The following ATP8A1 variants were observed in gnomAD, a reference collection of about 807,000 sequenced individuals.
ATP8A1 encodes the protein phospholipid-transporting ATPase IA.
In ATP8A1, 90 loss-of-function variants were observed where a neutral mutation model predicts 177.7. That is an observed-to-expected ratio of 0.51 (90% CI 0.43 to 0.60). ATP8A1 has a LOEUF of 0.60. Among genes scored for constraint, ATP8A1 ranks in the 20% least tolerant of loss-of-function variants. The probability of loss-of-function intolerance (pLI) is 0.00; values close to 1 mark genes in which losing one functional copy is unlikely to be tolerated. For missense variants in ATP8A1, 1,072 were observed against 1,392.8 expected (o/e 0.77, Z 3.67); for synonymous variants, 493 against 485.9 (o/e 1.01, Z -0.19).
At chr4:42,594,994 A>T (rs766703476) in intron 6 of ATP8A1, among the ~76,000 whole-genome samples, 22 of 152,136 alleles carry the variant, frequency 1.4e-4, no homozygotes, top group Non-Finnish European at 2.9e-4. Context: ...AGATAAAGAG[A>T]TACTATTTTC....
intron 20 of ATP8A1, among the ~76,000 whole-genome samples, chr4:42,539,312 A>G (rs1023181893): frequency 1.3e-5 from 2 of 152,034 alleles, no homozygotes; most frequent in African/African-American, 2.4e-5. Context: ...GGTATCGCGT[A>G]CACTGCTTGG....
Position 42,443,613 on chromosome 4 carries a change from G to C in ATP8A1, c.3075C>G (p.Tyr1025Ter). 1 of 1,556,976 alleles carries C rather than the reference G, an allele frequency of 6.4e-7. No homozygotes were observed. The highest frequency in any genetic ancestry group is 8.9e-7 in the Non-Finnish European group (1 of 1,127,944). ...TCGGAATGGCAGGCCACAGAGATGA[G>C]TAGATTCCAAAAAACACCACCCAGA... ...IALWVVFFGI[Y>*]SSLWPAIPMA... Residue 1025 changes from tyrosine (Y) to a stop codon, truncating the protein, a stop_gained, in exon 33 of 37, where the codon TAC becomes TAG. Transcript: ENST00000381668. LOFTEE classifies it high-confidence loss of function.
At position 42,409,335 on chromosome 4, in the gene ATP8A1, G is replaced by C. The variant is rs1712326733; in HGVS notation, c.*3581C>G. The C allele has an allele frequency of 6.6e-6, 1 of 152,060 alleles. No homozygotes were observed. Among genetic ancestry groups the C allele is most frequent in the Non-Finnish European group, 1.5e-5 (1 of 67,976 alleles). 9.4% of individuals were successfully genotyped at this position (152,060 alleles called of 1,614,324 possible). On this transcript the variant is annotated 3_prime_UTR_variant, in exon 37 of 37. Transcript: ENST00000381668. The stretch of plus-strand genomic sequence containing the variant: ...CATTCCACTTTAATAGCTGTTGAAG[G>C]TTAATTAAAATGCAGCAAAGTATAA...
At chr4:42,447,955 C>A (rs1162098547) in intron 30 of ATP8A1, among the ~76,000 whole-genome samples, 1 of 152,136 alleles carries the variant, frequency 6.6e-6, no homozygotes, top group East Asian at 1.9e-4. Context: ...CACTCATTCT[C>A]ATACTTCCTG....
At chr4:42,589,649 A>C (rs1017505763) in intron 7 of ATP8A1, among the ~76,000 whole-genome samples, 2 of 152,162 alleles carry the variant, frequency 1.3e-5, no homozygotes, top group Non-Finnish European at 2.9e-5. Flanking sequence ...CTTATTCAAA[A>C]TTTTATTTTT....
intron 1 of ATP8A1, among the ~76,000 whole-genome samples, chr4:42,636,758 C>G (rs1739436427): frequency 1.3e-5 from 2 of 152,176 alleles, no homozygotes; most frequent in African/African-American, 4.8e-5. Context: ...ACCCCTCCCC[C>G]AGAGTCTTAG....
chr4:42,614,516 T>C (rs1736708192), intron 5 of ATP8A1, among the ~76,000 whole-genome samples: 2 of 152,220 alleles, frequency 1.3e-5, no homozygotes, highest in Admixed American at 6.5e-5. Context: ...ACTAAACTCC[T>C]GGAGTAGCTC....
intron 24 of ATP8A1, among the ~76,000 whole-genome samples, chr4:42,486,490 T>C (rs1196666502): frequency 6.6e-6 from 1 of 152,196 alleles, no homozygotes; most frequent in African/African-American, 2.4e-5. Flanking sequence ...TTATTCCTAA[T>C]TAGACGGGGA....
Position 42,455,562 on chromosome 4 carries a change from A to T in ATP8A1, c.2657T>A (p.Ile886Asn). The change falls in exon 28 of 37, where the codon ATC (isoleucine) becomes AAC (asparagine). Residue 886 changes from isoleucine to asparagine, a missense_variant. Coordinates refer to ENST00000381668, the MANE Select transcript of ATP8A1 (RefSeq NM_006095.2). ...ACCTATACACCATCTTTCAAAGAGG[A>T]TCTGTCCAGAAAAGCCATTAACAAA... ...FAFVNGFSGQ[I>N]LFERWCIGLY... 6.2e-7 allele frequency: 1 copy of T among 1,613,744 alleles called. No homozygotes were observed. Among genetic ancestry groups the T allele is most frequent in the Non-Finnish European group, 8.5e-7 (1 of 1,179,770 alleles).
intron 24 of ATP8A1, among the ~76,000 whole-genome samples, chr4:42,499,245 T>C (rs1429235504): frequency 6.6e-6 from 1 of 152,110 alleles, no homozygotes; most frequent in Non-Finnish European, 1.5e-5. Flanking sequence ...CTTTTGAGGG[T>C]AGGAAATTTA....
chr4:42,561,334 T>C (rs1028753720), intron 15 of ATP8A1: 1 of 152,062 alleles, frequency 6.6e-6, no homozygotes, highest in African/African-American at 2.4e-5. Flanking sequence ...CCAGAAAGAG[T>C]TGTAATGTGG....
At chr4:42,610,505 A>G (rs897582867) in intron 5 of ATP8A1, among the ~76,000 whole-genome samples, 13 of 152,050 alleles carry the variant, frequency 8.5e-5, no homozygotes, top group African/African-American at 2.9e-4. Flanking sequence ...GCAAAGTCAT[A>G]AAGCCAGCCA....
chr4:42,465,380 T>G (rs150383125), intron 25 of ATP8A1, among the ~76,000 whole-genome samples: 130 of 152,360 alleles, frequency 8.5e-4, no homozygotes, highest in African/African-American at 2.9e-3. Context: ...TCAGAATTTC[T>G]AATTCTTCAC....
chr4:42,626,942 TA>T, intron 2 of ATP8A1, 52 bp downstream of exon 2: 1 of 1,384,110 alleles, frequency 7.2e-7, no homozygotes, highest in Non-Finnish European at 1.0e-6. Flanking sequence ...CATTTTGACC[TA>T]ACCAGCTCTG....
chr4:42,615,097 C>G (rs1736768421), intron 5 of ATP8A1, among the ~76,000 whole-genome samples: 1 of 152,132 alleles, frequency 6.6e-6, no homozygotes, highest in Non-Finnish European at 1.5e-5. Context: ...GTTATAAGCT[C>G]TTTATAAGTT....
At chr4:42,639,248 T>C (rs1037513256) in intron 1 of ATP8A1, among the ~76,000 whole-genome samples, 1 of 151,718 alleles carries the variant, frequency 6.6e-6, no homozygotes, top group Admixed American at 6.6e-5. Context: ...AGGTTGAAAA[T>C]AGATAGGTTC....
chr4:42,586,257 C>G, intron 9 of ATP8A1, 92 bp downstream of exon 9: 2 of 1,452,358 alleles, frequency 1.4e-6, no homozygotes, highest in Non-Finnish European at 9.3e-7. Context: ...ACTTAGCACA[C>G]AAGAAGATAA....
At chr4:42,446,665 T>C (rs754087004) in intron 30 of ATP8A1, 21 bp from the exon 31 acceptor site, 35 of 1,597,196 alleles carry the variant, frequency 2.2e-5, no homozygotes, top group Non-Finnish European at 2.9e-5. Context: ...AGGAGAGGCC[T>C]ATTAGAAAGG....
chr4:42,524,148 A>G (rs1001553433), intron 21 of ATP8A1, among the ~76,000 whole-genome samples: 2 of 152,198 alleles, frequency 1.3e-5, no homozygotes, highest in African/African-American at 4.8e-5. Context: ...TCCTCTCTCT[A>G]GACTATGTAC....
Sources: allele counts gnomAD v4.1 joint callset (sites outside exome capture counted in the v4.1 genomes callset), GRCh38; gene constraint gnomAD v4.1.1; transcripts MANE v1.5; gene names NCBI Gene and HGNC (gene_info 2026-07-23, HGNC 2026-07-21).